Variants in SLC2A5 observed in about 807,000 individuals in gnomAD.
SLC2A5 encodes solute carrier family 2 member 5, also known as solute carrier family 2, facilitated glucose transporter member 5.
SLC2A5 carries 56 observed loss-of-function variants against 50.3 expected under a neutral mutation model. The ratio of observed to expected loss-of-function variants is 1.11; its 90% confidence interval spans 0.90 to 1.39. The LOEUF is 1.39. Ranked by LOEUF, SLC2A5 falls within the 40% of genes most tolerant of loss-of-function variation. The pLI is 0.00. For missense variants in SLC2A5, 566 were observed against 650.1 expected (o/e 0.87, Z 1.41); for synonymous variants, 269 against 281.9 (o/e 0.95, Z 0.46).
At chr1:9,052,056 T>C (rs1160903003) in intron 3 of SLC2A5, among the ~76,000 whole-genome samples, 1 of 152,070 alleles carries the variant, frequency 6.6e-6, no homozygotes, top group Non-Finnish European at 1.5e-5. Flanking sequence ...GAGGCCGAGG[T>C]GGGCGGATCA....
At chr1:9,042,170 G>C (rs1641320821) in intron 4 of SLC2A5, among the ~76,000 whole-genome samples, 1 of 152,140 alleles carries the variant, frequency 6.6e-6, no homozygotes, top group African/African-American at 2.4e-5. Context: ...TATCATCTGG[G>C]GACACTGGCC....
At chr1:9,060,626 C>T (rs1429780883) in intron 1 of SLC2A5, among the ~76,000 whole-genome samples, 86 of 133,830 alleles carry the variant, frequency 6.4e-4, no homozygotes, top group African/African-American at 2.3e-3. Flanking sequence ...ACACACCACA[C>T]ATACACACAT....
At position 9,041,620 on chromosome 1, in the gene SLC2A5, G is replaced by C. The variant is rs1439614792; in HGVS notation, c.571+165C>G. 6.1e-6 allele frequency: 9 copies of C among 1,475,536 alleles called. No homozygotes were observed. The African/African-American group carries it at 8.4e-5, about 14-fold the overall frequency. The allele number at this position is 1,475,536 out of a possible 1,614,324, so 91.4% of individuals were successfully genotyped here. Reference sequence around the variant, plus strand: ...CTTATCGCGCCTTTGTCCATGGCCTGCTATGTTGGCTCGGGACAGGATGGG... The same window carrying C: ...CTTATCGCGCCTTTGTCCATGGCCTCCTATGTTGGCTCGGGACAGGATGGG... On this transcript the variant is annotated intron_variant, in intron 5 of 11. Coordinates refer to ENST00000377424, the MANE Select transcript of SLC2A5 (RefSeq NM_003039.3).
rs1319512606 is a variant in SLC2A5 at position 9,047,715 on chromosome 1, T to C, written c.313A>G (p.Asn105Asp). 6.2e-7 allele frequency: 1 copy of C among 1,614,000 alleles called. No homozygotes were observed. Among genetic ancestry groups the C allele is most frequent in the Non-Finnish European group, 8.5e-7 (1 of 1,179,914 alleles). The change falls in exon 4 of 12, where the codon AAC becomes GAC. Residue 105 changes from asparagine to aspartate, a missense_variant. Physicochemically the swap from Asn to Asp is conservative, Grantham distance 23 (BLOSUM62 1). Transcript: ENST00000377424. ...KFGRKGALLF[N>D]NIFSIVPAIL... ...GCAGGCACGATAGAAAATATGTTGT[T>C]GAACAGCAAGGCCCCTTTTCTGCAG...
intron 1 of SLC2A5, among the ~76,000 whole-genome samples, chr1:9,067,136 G>A (rs1257534351): frequency 2.0e-5 from 3 of 152,108 alleles, no homozygotes; most frequent in Admixed American, 6.5e-5. Flanking sequence ...GCCTGCCCCC[G>A]CATTTCTCCT....
chr1:9,077,262 G>A (rs1052518434), intron 2 of SLC2A5, among the ~76,000 whole-genome samples: 1 of 151,148 alleles, frequency 6.6e-6, no homozygotes, highest in Non-Finnish European at 1.5e-5. Context: ...AGCCAGGCAT[G>A]GTGCTGCATG....
chr1:9,039,506 C>T (rs1641234093), intron 8 of SLC2A5, 46 bp downstream of exon 8: 4 of 1,421,734 alleles, frequency 2.8e-6, no homozygotes, highest in East Asian at 2.7e-5. Flanking sequence ...GCGTGGGGCC[C>T]GAGGGGCCTT....
intron 3 of SLC2A5, among the ~76,000 whole-genome samples, chr1:9,055,642 G>C (rs1022018825): frequency 6.6e-6 from 1 of 152,120 alleles, no homozygotes; most frequent in African/African-American, 2.4e-5. Context: ...CTGGCCACAT[G>C]CAGTGTTTCA....
intron 1 of SLC2A5, among the ~76,000 whole-genome samples, chr1:9,061,701 C>T (rs1641949308): frequency 6.6e-6 from 1 of 152,164 alleles, no homozygotes; most frequent in African/African-American, 2.4e-5. Flanking sequence ...TGACCACTCC[C>T]TCAGTCTGAT....
At chr1:9,042,472 ATGTC>A (rs1487593018) in intron 4 of SLC2A5, among the ~76,000 whole-genome samples, 1 of 146,676 alleles carries the variant, frequency 6.8e-6, no homozygotes, top group African/African-American at 2.5e-5. Context: ...TATGGTGTGT[ATGTC>A]TGTGTGTGTA....
In SLC2A5 at chr1:9,059,132, CTTTCTTTTTT is replaced by C. The variant is rs1213430989; in HGVS notation, c.34-892_34-883del. Reference sequence around the variant, plus strand: ...TCTACTCTGATGGACAGCCGCCTTTCTTTCTTTTTTTTTTTTTTTTTTTTTTTTGACACAG... The same window carrying C: ...TCTACTCTGATGGACAGCCGCCTTTCTTTTTTTTTTTTTTTTTTGACACAG... On this transcript the variant is annotated intron_variant, in intron 1 of 11. Transcript: ENST00000377424. 1.1e-4 allele frequency among the ~76,000 whole-genome samples: 9 copies of C among 80,362 alleles called. No individual in the cohort carries two copies. The East Asian group carries it at 3.7e-3, about 33-fold the overall frequency. The allele number at this position is 80,362 out of a possible 152,430, so 52.7% of individuals were successfully genotyped here.
chr1:9,090,786 A>G (rs1056545516), upstream of SLC2A5, among the ~76,000 whole-genome samples: 1 of 152,072 alleles, frequency 6.6e-6, no homozygotes, highest in Non-Finnish European at 1.5e-5. Flanking sequence ...AGCCCTCACT[A>G]TTTCTGTCAG....
intron 2 of SLC2A5, among the ~76,000 whole-genome samples, chr1:9,078,197 G>A (rs1642314013): frequency 6.6e-6 from 1 of 152,088 alleles, no homozygotes; most frequent in African/African-American, 2.4e-5. Flanking sequence ...GCATGCTAAT[G>A]TATTATAATT....
chr1:9,054,703 T>C (rs1315986403), intron 3 of SLC2A5, among the ~76,000 whole-genome samples: 2 of 152,144 alleles, frequency 1.3e-5, no homozygotes, highest in African/African-American at 4.8e-5. Flanking sequence ...GGTGGGAGGA[T>C]TGCTTGAGCC....
chr1:9,041,184 G>A (rs931114319), intron 5 of SLC2A5: 9 of 390,760 alleles, frequency 2.3e-5, no homozygotes, highest in East Asian at 1.8e-4. Flanking sequence ...TTTGGCTGAC[G>A]GGATGACTGA....
upstream of SLC2A5, among the ~76,000 whole-genome samples, chr1:9,092,476 C>G (rs150744766): frequency 1.4e-3 from 206 of 152,316 alleles, no homozygotes; most frequent in Admixed American, 3.7e-3. Context: ...CATCAATGCT[C>G]TATTTGCCAA....
chr1:9,077,559 A>T (rs1642300964), intron 2 of SLC2A5, among the ~76,000 whole-genome samples: 1 of 150,718 alleles, frequency 6.6e-6, no homozygotes, highest in Non-Finnish European at 1.5e-5. Context: ...TGGCCAACAT[A>T]GTGAAACCCC....
chr1:9,079,401 G>A (rs17392750), intron 2 of SLC2A5, among the ~76,000 whole-genome samples: 12,998 of 152,234 alleles, frequency 0.085, 685 homozygotes, highest in Middle Eastern at 0.19. Flanking sequence ...CGTGAAAGCC[G>A]GAGCAGCAGA....
chr1:9,057,754 C>T (rs899093847), intron 2 of SLC2A5, 146 bp from the exon 3 acceptor site: 19 of 705,022 alleles, frequency 2.7e-5, no homozygotes, highest in Non-Finnish European at 4.4e-5. Flanking sequence ...CAGGACAGAG[C>T]TTCAGGAGCA....
Sources: gnomAD v4.1 joint callset for allele counts (sites outside exome capture counted in the v4.1 genomes callset) on GRCh38, gnomAD v4.1.1 for gene constraint, MANE v1.5 for transcripts, NCBI Gene and HGNC (gene_info 2026-07-23, HGNC 2026-07-21) for gene names.